Variants in MED27 observed in about 807,000 individuals in gnomAD.
MED27 encodes mediator complex subunit 27.
In MED27, 30 loss-of-function variants were observed where a neutral mutation model predicts 38.2. That is an observed-to-expected ratio of 0.79 (90% CI 0.59 to 1.07). The LOEUF is 1.07. MED27 is among the 50% of genes least tolerant of loss of function. MED27 has a pLI of 0.00. For missense variants in MED27, 289 were observed against 397.5 expected, an observed-to-expected ratio of 0.73 and a Z score of 2.32; for synonymous variants, 122 against 153.5, an observed-to-expected ratio of 0.79 and a Z score of 1.52.
At chr9:131,914,159 C>T (rs985963646) in intron 4 of MED27, among the ~76,000 whole-genome samples, 1 of 152,202 alleles carries the variant, frequency 6.6e-6, no homozygotes, top group South Asian at 2.1e-4. Flanking sequence ...CTGGCACAAA[C>T]CCTATGGAAA....
At chr9:132,017,629 A>C (rs1317538539) in intron 2 of MED27, among the ~76,000 whole-genome samples, 8 of 152,124 alleles carry the variant, frequency 5.3e-5, no homozygotes. Flanking sequence ...GTTGGAGGGG[A>C]AGGTTCGTGA....
At chr9:132,079,291 G>A (rs958804960) in intron 1 of MED27, among the ~76,000 whole-genome samples, 1 of 152,148 alleles carries the variant, frequency 6.6e-6, no homozygotes, top group African/African-American at 2.4e-5. Context: ...ACTACATTCG[G>A]ATCAGACGTG....
intron 4 of MED27, among the ~76,000 whole-genome samples, chr9:131,938,077 T>C (rs1415868196): frequency 6.6e-6 from 1 of 152,178 alleles, no homozygotes; most frequent in Non-Finnish European, 1.5e-5. Flanking sequence ...CTAATTTGTT[T>C]CCCCCACAAA....
At chr9:131,970,829 C>T (rs952670374) in intron 3 of MED27, among the ~76,000 whole-genome samples, 7 of 152,200 alleles carry the variant, frequency 4.6e-5, no homozygotes, top group Non-Finnish European at 1.0e-4. Flanking sequence ...AGAAGACAAA[C>T]ACCAAACAGA....
In MED27 at chr9:132,014,427, T is replaced by C; in HGVS notation, c.389A>G (p.Gln130Arg). ...ATTAGCGGAACGCTTCAATGACTGC[T>C]GATTTAAAAGGCCAGATGCTAGTCC... ...HAGLASGLLN[Q>R]QSLKRSANQM... The change falls in exon 3 of 8, where the codon CAG (glutamine) becomes CGG (arginine). Residue 130 changes from glutamine to arginine, a missense_variant. Physicochemically the swap from Gln to Arg is conservative, Grantham distance 43. Transcript: ENST00000292035. 6 of 1,614,162 alleles carry C rather than the reference T, an allele frequency of 3.7e-6. No homozygotes were observed. Among genetic ancestry groups the C allele is most frequent in the Non-Finnish European group, 5.1e-6 (6 of 1,180,012 alleles).
At chr9:131,863,335 C>T (rs532448573) in intron 6 of MED27, among the ~76,000 whole-genome samples, 195 bp from the exon 7 acceptor site, 5 of 152,132 alleles carry the variant, frequency 3.3e-5, no homozygotes, top group African/African-American at 7.2e-5. Flanking sequence ...GGCATGCTGT[C>T]GGCAGAAAGG....
chr9:131,980,829 G>GT (rs1831718030), intron 3 of MED27, among the ~76,000 whole-genome samples: 2 of 152,008 alleles, frequency 1.3e-5, no homozygotes, highest in Admixed American at 6.5e-5. Context: ...AATGAATTCT[G>GT]ACACTTCCCG....
At chr9:132,066,576 G>A (rs1251989528) in intron 2 of MED27, among the ~76,000 whole-genome samples, 1 of 152,256 alleles carries the variant, frequency 6.6e-6, no homozygotes. Flanking sequence ...AGCAGAAGCT[G>A]AGCCAAGACC....
chr9:131,938,309 G>A (rs1208066950), intron 4 of MED27, among the ~76,000 whole-genome samples: 1 of 152,106 alleles, frequency 6.6e-6, no homozygotes, highest in Non-Finnish European at 1.5e-5. Flanking sequence ...AAAATACCCA[G>A]TCCTGAACCT....
intron 4 of MED27, among the ~76,000 whole-genome samples, chr9:131,911,695 A>G (rs765054142): frequency 6.6e-6 from 1 of 152,240 alleles, no homozygotes; most frequent in African/African-American, 2.4e-5. Flanking sequence ...ATATGATGGT[A>G]TATCAACATT....
intron 6 of MED27, among the ~76,000 whole-genome samples, chr9:131,869,729 G>A (rs1838797451): frequency 6.6e-6 from 1 of 152,224 alleles, no homozygotes; most frequent in Non-Finnish European, 1.5e-5. Flanking sequence ...GCCTCACAAA[G>A]AGGGGCAGAG....
chr9:132,065,144 C>T (rs1412773712), intron 2 of MED27, among the ~76,000 whole-genome samples: 2 of 152,172 alleles, frequency 1.3e-5, no homozygotes, highest in Non-Finnish European at 2.9e-5. Context: ...GTAGCAAGTG[C>T]GACCATTTTC....
At position 131,860,562 on chromosome 9, in the gene MED27, G is replaced by A. The variant is rs779180350; in HGVS notation, c.912C>T (p.Ala304=). 1 of 1,559,262 alleles carries A rather than the reference G, an allele frequency of 6.4e-7. No homozygotes were observed. The highest frequency in any genetic ancestry group is 8.7e-7 in the Non-Finnish European group (1 of 1,152,266). Residue 304 remains alanine (A), a synonymous_variant, in exon 8 of 8, where the codon GCC becomes GCT. Transcript: ENST00000292035. The surrounding 1 kb of genome is among the most constrained non-coding windows in gnomAD (Gnocchi z 5.8). ...GCTACTGCCGGCAGGTGTCATGGAA[G>A]GCTTCGAGGGTTCGGAAATCCCTCC... ...PTWRDFRTLE[A]FHDTCRQ
Position 132,051,818 on chromosome 9 carries a change from C to T in MED27, c.348+25624G>A, listed in dbSNP as rs189177265. ...TCTATTGGCGAGCACTGCTCTGATC[C>T]CAGAAAATATGTCACATATCACATT... On this transcript the variant is annotated intron_variant, in intron 2 of 7. Transcript: ENST00000292035. This position sits in a 1 kb window ranked among gnomAD's most constrained non-coding sequence, Gnocchi z 4.2. Among the ~76,000 whole-genome samples the T allele has an allele frequency of 2.6e-5, 4 of 152,250 alleles. No individual in the cohort carries two copies. Among genetic ancestry groups the T allele is most frequent in the Admixed American group, 2.6e-4 (4 of 15,300 alleles).
intron 4 of MED27, among the ~76,000 whole-genome samples, chr9:131,908,526 G>A (rs1830124472): frequency 6.6e-6 from 1 of 152,192 alleles, no homozygotes; most frequent in Non-Finnish European, 1.5e-5. Flanking sequence ...ATTTTGTTCT[G>A]TACTAAGAAA....
At chr9:131,966,707 C>T (rs1268798992) in intron 3 of MED27, among the ~76,000 whole-genome samples, 2 of 152,134 alleles carry the variant, frequency 1.3e-5, no homozygotes, top group African/African-American at 2.4e-5. Context: ...GGACTCCCGA[C>T]GCTTCAGTGC....
chr9:132,002,198 C>T (rs1383467705), intron 3 of MED27, among the ~76,000 whole-genome samples: 2 of 152,210 alleles, frequency 1.3e-5, no homozygotes, highest in Admixed American at 6.5e-5. Flanking sequence ...ACCCATCCCC[C>T]TCACCACTGC....
chr9:131,937,371 G>C (rs974939829), intron 4 of MED27, among the ~76,000 whole-genome samples: 1 of 152,184 alleles, frequency 6.6e-6, no homozygotes, highest in African/African-American at 2.4e-5. Context: ...TAGGCACCTA[G>C]ATCCACGTGT....
chr9:131,881,367 G>T (rs1280092215), intron 6 of MED27, among the ~76,000 whole-genome samples: 1 of 152,102 alleles, frequency 6.6e-6, no homozygotes, highest in African/African-American at 2.4e-5. Flanking sequence ...AAGCCTGTGC[G>T]TAACCACACC....
Sources: allele counts gnomAD v4.1 joint callset (sites outside exome capture counted in the v4.1 genomes callset), GRCh38; gene constraint gnomAD v4.1.1; non-coding constraint Gnocchi (gnomAD v3.1); transcripts MANE v1.5; gene names NCBI Gene and HGNC (gene_info 2026-07-23, HGNC 2026-07-21).